The following UNC13C variants were observed in gnomAD, a reference collection of about 807,000 sequenced individuals.
UNC13C encodes unc-13 homolog C.
In UNC13C, 174 loss-of-function variants were observed where a neutral mutation model predicts 245.4. The observed-to-expected ratio is 0.71, with a 90% CI of 0.63 to 0.80. The LOEUF is 0.80. Among genes scored for constraint, UNC13C ranks in the 30% least tolerant of loss-of-function variants. The pLI is 0.00. For synonymous variants in UNC13C, 992 were observed against 895.1 expected (o/e 1.11, Z -1.93); for missense variants, 2,829 against 2,602.9 (o/e 1.09, Z -1.89).
At chr15:53,840,881 G>T in the UNC13C span, among the ~76,000 whole-genome samples, 2 of 152,140 alleles carry the variant, frequency 1.3e-5, no homozygotes, top group African/African-American at 4.8e-5. Context: ...AGTAATCATG[G>T]AATGTATGAG....
chr15:54,117,204 AT>A (rs2030315767), intron 2 of UNC13C, among the ~76,000 whole-genome samples: 1 of 151,782 alleles, frequency 6.6e-6, no homozygotes, highest in Admixed American at 6.6e-5. Context: ...GTTTGCAAAT[AT>A]TTTCTTCCAT....
rs1188246652 is a variant in UNC13C, at chr15:54,012,993, C to T, written c.90C>T (p.Asn30=). Residue 30 remains asparagine (N), a synonymous_variant, in exon 2 of 33, where the codon AAC becomes AAT. Coordinates refer to ENST00000260323, the MANE Select transcript of UNC13C (RefSeq NM_001080534.3). ...TTACAAAGAAATTGGGAAATACAAA[C>T]AAAAACAAAGAGTATCGTCAGCAGA... The part of the protein sequence containing the change: ...GMFTKKLGNT[N]KNKEYRQQKK... 2 of 1,613,766 alleles carry T rather than the reference C, an allele frequency of 1.2e-6. No individual in the cohort carries two copies. The highest frequency in any genetic ancestry group is 1.7e-5 in the Admixed American group (1 of 59,954).
intron 10 of UNC13C, among the ~76,000 whole-genome samples, chr15:54,274,667 CTTT>C (rs10646701): frequency 5.5e-5 from 5 of 91,582 alleles, no homozygotes; most frequent in East Asian, 3.2e-4. Flanking sequence ...ATAAAGTAGA[CTTT>C]TTTTTTTTTT....
intron 19 of UNC13C, among the ~76,000 whole-genome samples, chr15:54,444,125 A>G (rs527644890): frequency 1.1e-4 from 17 of 151,902 alleles, no homozygotes; most frequent in African/African-American, 3.6e-4. Flanking sequence ...TTTCTGGATG[A>G]TCCCTTATCA....
chr15:53,992,513 G>C (rs1894437467), intron 1 of UNC13C, among the ~76,000 whole-genome samples: 1 of 152,052 alleles, frequency 6.6e-6, no homozygotes, highest in Non-Finnish European at 1.5e-5. Context: ...GAAGGAGAGG[G>C]TGACTTTTGC....
chr15:54,144,684 A>G (rs1272280486), intron 4 of UNC13C, among the ~76,000 whole-genome samples: 1 of 152,122 alleles, frequency 6.6e-6, no homozygotes, highest in Admixed American at 6.6e-5. Flanking sequence ...TGCTTTGCCA[A>G]ATTTTCTACT....
At chr15:53,951,918 G>A in the UNC13C span, among the ~76,000 whole-genome samples, 30 of 152,256 alleles carry the variant, frequency 2.0e-4, no homozygotes, top group South Asian at 6.0e-3. Flanking sequence ...CTGGTCATGA[G>A]GATTTTAACT....
chr15:54,292,653 A>G (rs1004080870), intron 10 of UNC13C, among the ~76,000 whole-genome samples: 3 of 151,864 alleles, frequency 2.0e-5, no homozygotes, highest in African/African-American at 7.2e-5. Flanking sequence ...GTACTTTTTC[A>G]TATAAAAATA....
chr15:53,906,160 C>T, the UNC13C span, among the ~76,000 whole-genome samples: 1 of 152,018 alleles, frequency 6.6e-6, no homozygotes, highest in African/African-American at 2.4e-5. Context: ...ATGACAAAAC[C>T]TTGTCCCTAC....
intron 4 of UNC13C, among the ~76,000 whole-genome samples, chr15:54,174,943 A>C (rs1306889361): frequency 1.3e-5 from 2 of 152,176 alleles, no homozygotes; most frequent in African/African-American, 4.8e-5. Flanking sequence ...ACATGAGATT[A>C]AATTTTGCTT....
At chr15:53,916,530 G>T in the UNC13C span, among the ~76,000 whole-genome samples, 27 of 152,178 alleles carry the variant, frequency 1.8e-4, no homozygotes, top group Admixed American at 1.4e-3. Flanking sequence ...TAAGTTGAAA[G>T]AAAACTGAGA....
Position 54,056,072 on chromosome 15 carries a change from C to T in UNC13C, c.2983+40186C>T, listed in dbSNP as rs530795602. ...AAGAAATTAACATCCAGCTGAGGAA[C>T]GCAGCTCCTCACCAGCAACGGAACA... is the stretch of plus-strand genomic sequence containing the variant. On this transcript the variant is annotated intron_variant, in intron 2 of 32. Coordinates refer to ENST00000260323, the MANE Select transcript of UNC13C (RefSeq NM_001080534.3). 8.5e-5 allele frequency among the ~76,000 whole-genome samples: 13 copies of T among 152,198 alleles called. No homozygotes were observed. In the East Asian group the frequency reaches 2.1e-3, roughly 25 times the overall value.
At chr15:54,346,665 G>A (rs2038866181) in intron 17 of UNC13C, among the ~76,000 whole-genome samples, 1 of 152,228 alleles carries the variant, frequency 6.6e-6, no homozygotes, top group South Asian at 2.1e-4. Flanking sequence ...AGATAGAAGT[G>A]TGGTCTCCGG....
At chr15:54,437,773 G>C (rs1890301659) in intron 19 of UNC13C, among the ~76,000 whole-genome samples, 1 of 151,864 alleles carries the variant, frequency 6.6e-6, no homozygotes, top group Admixed American at 6.6e-5. Context: ...ACCCATATAT[G>C]CAGAGTATAT....
At chr15:53,858,064 G>A in the UNC13C span, among the ~76,000 whole-genome samples, 1 of 152,048 alleles carries the variant, frequency 6.6e-6, no homozygotes, top group Non-Finnish European at 1.5e-5. Flanking sequence ...TTTTAATTTA[G>A]CTCTTGCTGA....
the UNC13C span, among the ~76,000 whole-genome samples, chr15:53,957,927 T>C: frequency 7.9e-5 from 12 of 152,192 alleles, no homozygotes; most frequent in Non-Finnish European, 1.5e-4. Flanking sequence ...GCAAAAGATA[T>C]ATTTAATGAT....
At chr15:54,620,239 T>C (rs535593722) in intron 30 of UNC13C, among the ~76,000 whole-genome samples, 1 of 152,216 alleles carries the variant, frequency 6.6e-6, no homozygotes, top group East Asian at 1.9e-4. Flanking sequence ...CTGACGTCAA[T>C]ATAACCCTCA....
At chr15:54,188,372 G>C (rs1413052540) in intron 4 of UNC13C, among the ~76,000 whole-genome samples, 1 of 151,852 alleles carries the variant, frequency 6.6e-6, no homozygotes, top group Non-Finnish European at 1.5e-5. Context: ...ACATATGCTG[G>C]CAACAGGCAA....
chr15:54,127,758 T>A (rs2115834), intron 2 of UNC13C, among the ~76,000 whole-genome samples: 7 of 55,656 alleles, frequency 1.3e-4, no homozygotes, highest in African/African-American at 5.2e-4. Context: ...TCATATATAT[T>A]TATGTATAAT....
Sources: gnomAD v4.1 joint callset for allele counts (sites outside exome capture counted in the v4.1 genomes callset) on GRCh38, gnomAD v4.1.1 for gene constraint, MANE v1.5 for transcripts, NCBI Gene and HGNC (gene_info 2026-07-23, HGNC 2026-07-21) for gene names.